Variants in GTF2IRD2B observed in about 807,000 individuals in gnomAD.
The protein encoded by GTF2IRD2B is general transcription factor II-I repeat domain-containing protein 2B.
Under a neutral mutation model 55.6 loss-of-function variants are expected in GTF2IRD2B, and 10 were observed. That is an observed-to-expected ratio of 0.18 (90% CI 0.11 to 0.31). GTF2IRD2B has a LOEUF of 0.31. GTF2IRD2B is among the 10% of genes least tolerant of loss of function. GTF2IRD2B has a pLI of 1.00. For missense variants in GTF2IRD2B, 206 were observed against 802.7 expected (o/e 0.26, Z 8.98); for synonymous variants, 107 against 320.5 (o/e 0.33, Z 7.12).
In GTF2IRD2B at chr7:75,148,240, G is replaced by T; in HGVS notation, c.1793G>T (p.Arg598Leu). Residue 598 changes from arginine to leucine, a missense_variant, in exon 16 of 16, where the codon CGT (arginine) becomes CTT (leucine). Arg to Leu is a moderately radical substitution (Grantham distance 102). Transcript: ENST00000472837. ...GTKSGNEIFL[R>L]VEKSLKKFCI... ...AAATCTGGCAACGAGATCTTTTTGC[G>T]TGTTGAGAAGAGCCTGAAAAAGTTC... 1.2e-6 allele frequency: 2 copies of T among 1,613,856 alleles called. No homozygotes were observed. Among genetic ancestry groups the T allele is most frequent in the South Asian group, 1.1e-5 (1 of 91,060 alleles).
chr7:75,116,991 T>G (rs1368318305), intron 3 of GTF2IRD2B, among the ~76,000 whole-genome samples: 13 of 150,242 alleles, frequency 8.7e-5, no homozygotes, highest in Non-Finnish European at 1.0e-4. Flanking sequence ...CATTGTTGAG[T>G]GATATTAGCC....
chr7:75,120,128 C>CAAA (rs1410735935), intron 3 of GTF2IRD2B, among the ~76,000 whole-genome samples: 1,029 of 76,208 alleles, frequency 0.014, 124 homozygotes, highest in African/African-American at 0.073. Flanking sequence ...GACTCTGTCT[C>CAAA]AAAAAAAAAA....
chr7:75,137,132 G>A (rs1554453614), intron 11 of GTF2IRD2B, among the ~76,000 whole-genome samples: 1 of 151,076 alleles, frequency 6.6e-6, no homozygotes, highest in African/African-American at 2.4e-5. Context: ...GAACCTGAGA[G>A]GCGGAGGTTG....
intron 1 of GTF2IRD2B, among the ~76,000 whole-genome samples, chr7:75,101,920 T>A (rs1488987329): frequency 4.3e-3 from 648 of 148,994 alleles, no homozygotes; most frequent in African/African-American, 0.015. Flanking sequence ...AAAAGAAAAT[T>A]AAAAAAAATA....
At chr7:75,104,180 T>A (rs1807685490) in intron 1 of GTF2IRD2B, among the ~76,000 whole-genome samples, 1 of 138,220 alleles carries the variant, frequency 7.2e-6, no homozygotes, top group Admixed American at 7.3e-5. Context: ...TGGAGGGCAG[T>A]GGCACAATCT....
intron 6 of GTF2IRD2B, chr7:75,123,953 C>G (rs370274001): frequency 0.023 from 6,645 of 287,518 alleles, 185 homozygotes; most frequent in African/African-American, 0.067. Context: ...AGCAAGCCAT[C>G]GTGGCACACA....
intron 4 of GTF2IRD2B, among the ~76,000 whole-genome samples, chr7:75,121,614 T>A (rs1808370838): frequency 6.9e-6 from 1 of 145,024 alleles, no homozygotes; most frequent in South Asian, 2.2e-4. Context: ...GCCCACCACC[T>A]TGCCCAGCTA....
intron 15 of GTF2IRD2B, chr7:75,146,736 C>T (rs1280250495): frequency 8.3e-6 from 1 of 119,986 alleles, no homozygotes; most frequent in Non-Finnish European, 1.7e-5. Context: ...CCTGTTTAAA[C>T]TGGACATAAC....
intron 8 of GTF2IRD2B, among the ~76,000 whole-genome samples, chr7:75,127,501 G>A (rs1808564384): frequency 6.7e-6 from 1 of 149,292 alleles, no homozygotes; most frequent in South Asian, 2.1e-4. Context: ...AAGAGAGAGA[G>A]AGAGAGAGAG....
At position 75,105,443 on chromosome 7, in the gene GTF2IRD2B, G is replaced by A. The variant is rs1288236060; in HGVS notation, c.-5-3517G>A. ...CGCTCGAACCCAGGAGGCAGAGTTT[G>A]CAATGAGCTGAGATCGTGCCACTGC... On this transcript the variant is annotated intron_variant, in intron 1 of 15. Coordinates refer to ENST00000472837, the MANE Select transcript of GTF2IRD2B (RefSeq NM_001003795.3). Among the ~76,000 whole-genome samples the A allele has an allele frequency of 2.0e-5, 3 of 152,292 alleles. No individual in the cohort carries two copies. The East Asian group carries it at 5.8e-4, about 29-fold the overall frequency.
At chr7:75,104,049 G>A (rs1238351564) in intron 1 of GTF2IRD2B, among the ~76,000 whole-genome samples, 2 of 142,580 alleles carry the variant, frequency 1.4e-5, no homozygotes, top group African/African-American at 5.6e-5. Context: ...GCGAGACTCC[G>A]TCTCAAAAAA....
At position 75,133,185 on chromosome 7, in the gene GTF2IRD2B, C is replaced by G. The variant is rs1395464379; in HGVS notation, c.721C>G (p.Pro241Ala). ...AVSVKKESED[P>A]NYYQYNMQGS... is the part of the protein sequence containing the mutation. ...CTCAGTCAAGAAAGAATCAGAAGAT[C>G]CTAATTACTATCAATATAATATGCA... Residue 241 changes from proline (P) to alanine (A), a missense_variant, in exon 9 of 16, where the codon CCT (proline) becomes GCT (alanine). Coordinates refer to ENST00000472837, the MANE Select transcript of GTF2IRD2B (RefSeq NM_001003795.3). The G allele has an allele frequency of 4.0e-6, 2 of 495,532 alleles. No homozygotes were observed. The highest frequency in any genetic ancestry group is 6.9e-6 in the Non-Finnish European group (2 of 290,102). 30.7% of individuals were successfully genotyped at this position (495,532 alleles called of 1,614,324 possible).
intron 3 of GTF2IRD2B, among the ~76,000 whole-genome samples, chr7:75,113,853 G>A (rs1808050761): frequency 1.4e-5 from 2 of 140,754 alleles, no homozygotes; most frequent in Non-Finnish European, 3.1e-5. Flanking sequence ...GATTGGCAGA[G>A]GGTATATAAA....
intron 1 of GTF2IRD2B, among the ~76,000 whole-genome samples, chr7:75,101,893 CAAAAA>C (rs1243907524): frequency 3.8e-5 from 3 of 78,424 alleles, no homozygotes; most frequent in Admixed American, 1.8e-4. Flanking sequence ...GACCCCATCT[CAAAAA>C]AAAAAAAAAA....
chr7:75,134,956 T>G, intron 9 of GTF2IRD2B, 45 bp from the exon 10 acceptor site: 1 of 1,183,276 alleles, frequency 8.5e-7, no homozygotes. Context: ...TCTTTTTACA[T>G]TTTTGTATTT....
intron 8 of GTF2IRD2B, among the ~76,000 whole-genome samples, chr7:75,127,491 A>AAAAG (rs1554452597): frequency 1.1e-4 from 16 of 144,596 alleles, no homozygotes; most frequent in African/African-American, 3.1e-4. Context: ...AAAAAAAAAA[A>AAAAG]AGAGAGAGAG....
chr7:75,117,982 C>T (rs1482357926), intron 3 of GTF2IRD2B, among the ~76,000 whole-genome samples: 2 of 147,302 alleles, frequency 1.4e-5, no homozygotes, highest in Non-Finnish European at 3.0e-5. Context: ...ACTCGGGAGG[C>T]TGAGGCAGGA....
intron 3 of GTF2IRD2B, among the ~76,000 whole-genome samples, chr7:75,117,608 G>A (rs1392590974): frequency 6.6e-6 from 1 of 152,288 alleles, no homozygotes; most frequent in African/African-American, 2.4e-5. Flanking sequence ...ATTCCAGAAG[G>A]GGCCAGGTGC....
chr7:75,103,989 G>T (rs1316597768), intron 1 of GTF2IRD2B, among the ~76,000 whole-genome samples: 2 of 150,462 alleles, frequency 1.3e-5, no homozygotes, highest in Admixed American at 6.7e-5. Context: ...CAGAGATCAT[G>T]CCACTGGGTG....
Sources: allele counts gnomAD v4.1 joint callset (sites outside exome capture counted in the v4.1 genomes callset), GRCh38; gene constraint gnomAD v4.1.1; transcripts MANE v1.5; gene names NCBI Gene and HGNC (gene_info 2026-07-23, HGNC 2026-07-21).